Variants in SLC17A4 observed in about 807,000 individuals in gnomAD.
SLC17A4 encodes the protein solute carrier family 17 member 4.
SLC17A4 carries 33 observed loss-of-function variants against 52.5 expected under a neutral mutation model. That is an observed-to-expected ratio of 0.63 (90% CI 0.48 to 0.84). SLC17A4 has a LOEUF of 0.84. Among genes scored for constraint, SLC17A4 ranks in the 40% least tolerant of loss-of-function variants. The pLI, the probability that SLC17A4 is intolerant of heterozygous loss-of-function variation, is 0.00. For missense variants in SLC17A4, 585 were observed against 597.1 expected (o/e 0.98, Z 0.21); for synonymous variants, 225 against 216.2 (o/e 1.04, Z -0.36).
At chr6:25,758,038 C>T (rs1472611448) in intron 1 of SLC17A4, among the ~76,000 whole-genome samples, 1 of 152,226 alleles carries the variant, frequency 6.6e-6, no homozygotes, top group Admixed American at 6.5e-5. Flanking sequence ...TTCACCTCTG[C>T]TGCCGTGGGA....
intron 2 of SLC17A4, among the ~76,000 whole-genome samples, chr6:25,762,408 G>A (rs961929662): frequency 1.3e-5 from 2 of 152,118 alleles, no homozygotes; most frequent in Non-Finnish European, 2.9e-5. Flanking sequence ...GTTAAATCCA[G>A]ACCTGACCCC....
At chr6:25,766,131 T>C (rs559307031) in intron 2 of SLC17A4, among the ~76,000 whole-genome samples, 35 of 150,552 alleles carry the variant, frequency 2.3e-4, no homozygotes, top group Admixed American at 2.0e-3. Context: ...ATTTAAAATA[T>C]AATTGAATTA....
rs373432067 is a variant in SLC17A4, at chr6:25,762,002, A to G, written c.40A>G (p.Ile14Val). 7 of 1,613,290 alleles carry G rather than the reference A, an allele frequency of 4.3e-6. No individual in the cohort carries two copies. Among genetic ancestry groups the G allele is most frequent in the African/African-American group, 4.0e-5 (3 of 74,906 alleles). ...GPDVKATVGD[I>V]SSDGNLNVAQ... ...AGATGTCAAGGCTACAGTGGGGGAC[A>G]TTTCCAGTGATGGCAATTTAAACGT... Residue 14 changes from isoleucine to valine, a missense_variant, in exon 2 of 12, where the codon ATT becomes GTT. Physicochemically the swap from Ile to Val is conservative, Grantham distance 29. Transcript: ENST00000377905.
At chr6:25,757,658 T>C (rs1761139858) in intron 1 of SLC17A4, among the ~76,000 whole-genome samples, 1 of 152,124 alleles carries the variant, frequency 6.6e-6, no homozygotes, top group African/African-American at 2.4e-5. Flanking sequence ...TCTTGCTAGC[T>C]GTGGCTTCTG....
At position 25,773,341 on chromosome 6, in the gene SLC17A4, C is replaced by A. The variant is rs1349426873; in HGVS notation, c.773C>A (p.Pro258His). 6.2e-7 allele frequency: 1 copy of A among 1,613,848 alleles called. No individual in the cohort carries two copies. The highest frequency in any genetic ancestry group is 8.5e-7 in the Non-Finnish European group (1 of 1,179,906). ...ATTTATGATGATCCTGTGAATCATCCCTTTATCAGTGCTGGTGAGAAGAGA... is the reference window on the plus strand; with the variant it reads ...ATTTATGATGATCCTGTGAATCATCACTTTATCAGTGCTGGTGAGAAGAGA... Reference protein sequence around the residue: ...PLIYDDPVNHPFISAGEKRYI... With the variant: ...PLIYDDPVNHHFISAGEKRYI... The change falls in exon 7 of 12, where the codon CCC becomes CAC. Residue 258 changes from proline (P) to histidine (H), a missense_variant. By Grantham distance (77) the Pro-to-His change is moderately conservative. Coordinates refer to ENST00000377905, the MANE Select transcript of SLC17A4 (RefSeq NM_005495.3).
intron 2 of SLC17A4, among the ~76,000 whole-genome samples, chr6:25,763,884 G>T (rs1317731489): frequency 2.0e-5 from 3 of 152,098 alleles, no homozygotes; most frequent in Non-Finnish European, 4.4e-5. Context: ...ATCAGTCAGG[G>T]TTATATCACA....
intron 6 of SLC17A4, among the ~76,000 whole-genome samples, chr6:25,772,497 T>A (rs926634655): frequency 3.0e-4 from 46 of 152,144 alleles, no homozygotes; most frequent in African/African-American, 1.1e-3. Flanking sequence ...TAAGATTTCT[T>A]AAGATTCTAA....
chr6:25,777,019 T>A, intron 10 of SLC17A4, 60 bp downstream of exon 10: 1 of 1,533,146 alleles, frequency 6.5e-7, no homozygotes, highest in Non-Finnish European at 8.8e-7. Flanking sequence ...CAGCCCTAAA[T>A]CTACTCTGAT....
At chr6:25,764,861 A>G (rs1000855214) in intron 2 of SLC17A4, among the ~76,000 whole-genome samples, 3 of 152,246 alleles carry the variant, frequency 2.0e-5, no homozygotes, top group Non-Finnish European at 4.4e-5. Context: ...AAATATGAGT[A>G]ACTGCAGAAA....
At chr6:25,768,951 C>T (rs1188349944) in intron 2 of SLC17A4, 34 bp from the exon 3 acceptor site, 3 of 1,596,560 alleles carry the variant, frequency 1.9e-6, no homozygotes, top group Non-Finnish European at 2.6e-6. Flanking sequence ...GAAAAGCATT[C>T]TGATTGTGAT....
Position 25,770,191 on chromosome 6 carries a change from T to C in SLC17A4, c.422T>C (p.Val141Ala). The C allele has an allele frequency of 1.9e-6, 3 of 1,614,092 alleles. No homozygotes were observed. Among genetic ancestry groups the C allele is most frequent in the South Asian group, 1.1e-5 (1 of 91,076 alleles). The change falls in exon 4 of 12, where the codon GTT becomes GCT. Residue 141 changes from valine (V) to alanine (A), a missense_variant. Val to Ala is a moderately conservative substitution (Grantham distance 64). Transcript: ENST00000377905. The part of the protein sequence containing the change: ...VAGIFGAKYV[V>A]GAGLFISSFL... ...GGAATATTTGGAGCCAAGTATGTGG[T>C]TGGTGCTGGCTTGTTTATTTCCTCA...
chr6:25,780,911 G>A lies in SLC17A4; in HGVS notation c.*1723G>A, dbSNP rs7749149. On this transcript the variant is annotated 3_prime_UTR_variant, in exon 12 of 12. Transcript: ENST00000377905. Reference sequence around the variant, plus strand: ...GTTTTGGTTTGCTATTATATTAATGGGGATGCCTCTAACACAGACAGCAAC... The same window carrying A: ...GTTTTGGTTTGCTATTATATTAATGAGGATGCCTCTAACACAGACAGCAAC... The A allele has an allele frequency of 0.31, 47,328 of 151,922 alleles. 8,341 individuals are homozygous for A. Among genetic ancestry groups the A allele is most frequent in the East Asian group, 0.75 (3,847 of 5,156 alleles). 9.4% of individuals were successfully genotyped at this position (151,922 alleles called of 1,614,324 possible). A position where few individuals can be genotyped will look rare whatever the true frequency, so the allele number is the denominator to read the frequency against.
At chr6:25,765,584 A>G (rs190852704) in intron 2 of SLC17A4, among the ~76,000 whole-genome samples, 49 of 152,342 alleles carry the variant, frequency 3.2e-4, no homozygotes, top group African/African-American at 1.2e-3. Context: ...CATAGAGTGT[A>G]GGAAGTAAAT....
At chr6:25,760,114 GT>G (rs1395873541) in intron 1 of SLC17A4, among the ~76,000 whole-genome samples, 2 of 152,152 alleles carry the variant, frequency 1.3e-5, no homozygotes, top group Non-Finnish European at 2.9e-5. Context: ...GGTGATCATA[GT>G]TTTTTAAAAT....
rs1033398524 is a variant in SLC17A4, at chr6:25,780,725, A to T, written c.*1537A>T. The T allele has an allele frequency of 6.6e-6, 1 of 152,208 alleles. No individual in the cohort carries two copies. Among genetic ancestry groups the T allele is most frequent in the Admixed American group, 6.5e-5 (1 of 15,274 alleles). The allele number at this position is 152,208 out of a possible 1,614,324, so 9.4% of individuals were successfully genotyped here. A position where few individuals can be genotyped will look rare whatever the true frequency, so the allele number is the denominator to read the frequency against. Reference sequence around the variant, plus strand: ...AGATTAGGTTGGAGTAGGAGCTTACAGTGTAGTCCAGGAGAGAACAATGGC... The same window carrying T: ...AGATTAGGTTGGAGTAGGAGCTTACTGTGTAGTCCAGGAGAGAACAATGGC... On this transcript the variant is annotated 3_prime_UTR_variant, in exon 12 of 12. Coordinates refer to ENST00000377905, the MANE Select transcript of SLC17A4 (RefSeq NM_005495.3).
rs60445523 is a variant in SLC17A4, at chr6:25,778,069, G to GT, written c.1359+59dup. ...CATAAAAGAAACCTATAGAGGCATG[G>GT]TTTTTTCACATATGCACGGCCTTGT... On this transcript the variant is annotated intron_variant, in intron 11 of 11. Coordinates refer to ENST00000377905, the MANE Select transcript of SLC17A4 (RefSeq NM_005495.3). 3.0e-6 allele frequency: 4 copies of GT among 1,321,380 alleles called. No homozygotes were observed. The South Asian group carries it at 5.0e-5, about 17-fold the overall frequency. The allele number at this position is 1,321,380 out of a possible 1,614,324, so 81.9% of individuals were successfully genotyped here.
rs1169825472 is a variant in SLC17A4, at chr6:25,780,300, AGTAT to A, written c.*1113_*1116del. ...CGGGAGGGCAGATAACTTTAATCAA[AGTAT>A]CACACAAGTGAATATGTAATAACAA... On this transcript the variant is annotated 3_prime_UTR_variant, in exon 12 of 12. Transcript: ENST00000377905. The A allele has an allele frequency of 1.3e-5, 2 of 152,258 alleles. No individual in the cohort carries two copies. The highest frequency in any genetic ancestry group is 2.9e-5 in the Non-Finnish European group (2 of 68,060). 9.4% of individuals were successfully genotyped at this position (152,258 alleles called of 1,614,324 possible). A position where few individuals can be genotyped will look rare whatever the true frequency, so the allele number is the denominator to read the frequency against.
chr6:25,776,560 G>C (rs764021867), intron 8 of SLC17A4, 35 bp from the exon 9 acceptor site: 1 of 1,564,714 alleles, frequency 6.4e-7, no homozygotes, highest in Non-Finnish European at 8.7e-7. Context: ...GGGGTGGTAA[G>C]GGCACATGCA....
In SLC17A4 at chr6:25,779,726, A is replaced by C. The variant is rs1763210335; in HGVS notation, c.*538A>C. ...ACTTTAACTCTTTCAGACAACTTGCATTCTGTGGATGCCAGCTTTGGAATC... is the reference window on the plus strand; with the variant it reads ...ACTTTAACTCTTTCAGACAACTTGCCTTCTGTGGATGCCAGCTTTGGAATC... On this transcript the variant is annotated 3_prime_UTR_variant, in exon 12 of 12. Transcript: ENST00000377905. The C allele has an allele frequency of 6.6e-6, 1 of 152,330 alleles. No homozygotes were observed. Among genetic ancestry groups the C allele is most frequent in the East Asian group, 1.9e-4 (1 of 5,180 alleles). 9.4% of individuals were successfully genotyped at this position (152,330 alleles called of 1,614,324 possible).
Sources: allele counts gnomAD v4.1 joint callset (sites outside exome capture counted in the v4.1 genomes callset), GRCh38; gene constraint gnomAD v4.1.1; transcripts MANE v1.5; gene names NCBI Gene and HGNC (gene_info 2026-07-23, HGNC 2026-07-21).